AUTS2: variants seen among roughly 807,000 people sequenced by gnomAD.
The protein encoded by AUTS2 is activator of transcription and developmental regulator AUTS2.
In AUTS2, 17 loss-of-function variants were observed where a neutral mutation model predicts 112.4. The ratio of observed to expected loss-of-function variants is 0.15; its 90% CI spans 0.10 to 0.23. The LOEUF is 0.23. Ranked by LOEUF, AUTS2 falls within the 10% of genes least tolerant of loss-of-function variation. AUTS2 has a pLI of 1.00. For missense variants in AUTS2, 1,510 were observed against 1,701.6 expected, an observed-to-expected ratio of 0.89 and a Z score of 1.98; for synonymous variants, 751 against 702.7, an observed-to-expected ratio of 1.07 and a Z score of -1.09.
chr7:70,252,699 C>T (rs1029307177), intron 4 of AUTS2, among the ~76,000 whole-genome samples: 1 of 151,834 alleles, frequency 6.6e-6, no homozygotes, highest in Non-Finnish European at 1.5e-5. Context: ...TGTTTTTTTC[C>T]AGTAGTTTTA....
At chr7:70,240,870 G>A (rs547712365) in intron 4 of AUTS2, among the ~76,000 whole-genome samples, 122 of 152,246 alleles carry the variant, frequency 8.0e-4, no homozygotes, top group Non-Finnish European at 7.8e-4. Flanking sequence ...ACCACCACAA[G>A]TCAGAAATCA....
At chr7:70,504,626 G>T (rs1485618227) in intron 5 of AUTS2, among the ~76,000 whole-genome samples, 1 of 152,150 alleles carries the variant, frequency 6.6e-6, no homozygotes, top group African/African-American at 2.4e-5. Flanking sequence ...TACTTGATTG[G>T]TATCTTCTCC....
Position 70,560,279 on chromosome 7 carries a change from A to C in AUTS2, c.690+124498A>C, listed in dbSNP as rs531699230. Among the ~76,000 whole-genome samples, 3 of 152,328 alleles carry C rather than the reference A, an allele frequency of 2.0e-5. No homozygotes were observed. The South Asian group carries it at 6.2e-4, about 32-fold the overall frequency. ...TTGCTCTTCTTCACAGCACTGAGCC[A>C]ACATTTAGACAGACACACCCACACA... On this transcript the variant is annotated intron_variant, in intron 5 of 18. Transcript: ENST00000342771.
chr7:70,100,492 A>C (rs1211028498), intron 2 of AUTS2, among the ~76,000 whole-genome samples: 1 of 151,640 alleles, frequency 6.6e-6, no homozygotes, highest in Non-Finnish European at 1.5e-5. Flanking sequence ...AGTTTGTTAC[A>C]TAGGTATACC....
chr7:69,688,595 A>G (rs755789755), intron 1 of AUTS2, among the ~76,000 whole-genome samples: 3 of 152,198 alleles, frequency 2.0e-5, no homozygotes, highest in South Asian at 2.1e-4. Context: ...TTAGCATTCC[A>G]TCATCTCAAA....
At chr7:70,387,055 C>T (rs1793643440) in intron 4 of AUTS2, among the ~76,000 whole-genome samples, 1 of 152,168 alleles carries the variant, frequency 6.6e-6, no homozygotes, top group Non-Finnish European at 1.5e-5. Context: ...TTTCTTTCTT[C>T]AACCTACAGT....
chr7:70,224,755 G>A (rs994889289), intron 4 of AUTS2, among the ~76,000 whole-genome samples: 1 of 152,098 alleles, frequency 6.6e-6, no homozygotes. Context: ...CTATACAGGT[G>A]TACCATTTTT....
chr7:70,259,196 A>T (rs1294010829), intron 4 of AUTS2, among the ~76,000 whole-genome samples: 1 of 152,150 alleles, frequency 6.6e-6, no homozygotes, highest in East Asian at 1.9e-4. Flanking sequence ...TGCAGCTGTC[A>T]CAGAGCCTTC....
At chr7:69,713,247 T>G (rs1798418117) in intron 1 of AUTS2, among the ~76,000 whole-genome samples, 1 of 152,148 alleles carries the variant, frequency 6.6e-6, no homozygotes, top group African/African-American at 2.4e-5. Context: ...ACATTGAAAA[T>G]TCTCTGATTT....
chr7:70,350,075 G>C (rs1791679355), intron 4 of AUTS2, among the ~76,000 whole-genome samples: 1 of 152,132 alleles, frequency 6.6e-6, no homozygotes, highest in South Asian at 2.1e-4. Flanking sequence ...TTAAGCTCAT[G>C]GCCAGTACTA....
intron 5 of AUTS2, among the ~76,000 whole-genome samples, chr7:70,571,215 A>C (rs1183217991): frequency 6.6e-6 from 1 of 152,232 alleles, no homozygotes. Context: ...CTTGAGATTG[A>C]AGGCTCGCTA....
intron 1 of AUTS2, among the ~76,000 whole-genome samples, chr7:69,615,744 A>G (rs542332471): frequency 2.2e-4 from 33 of 152,248 alleles, no homozygotes; most frequent in Non-Finnish European, 4.7e-4. Context: ...CATTGTTGAA[A>G]TACAGCCCAT....
rs891739760 is a variant in AUTS2, at chr7:70,485,661, T to C, written c.690+49880T>C. On this transcript the variant is annotated intron_variant, in intron 5 of 18. Transcript: ENST00000342771. ...TTCTGAACCCTTCAAAAAAAAAGTA[T>C]CTCTGGTTTCACGAGACTCATATGT... is the stretch of plus-strand genomic sequence containing the variant. Among the ~76,000 whole-genome samples, 5 of 151,822 alleles carry C rather than the reference T, an allele frequency of 3.3e-5. No individual in the cohort carries two copies. The South Asian group carries it at 1.0e-3, about 31-fold the overall frequency.
intron 5 of AUTS2, among the ~76,000 whole-genome samples, chr7:70,481,916 C>G (rs972889928): frequency 3.2e-4 from 49 of 152,230 alleles, no homozygotes; most frequent in African/African-American, 1.2e-3. Context: ...ATACTGCACT[C>G]TAATTATATG....
At chr7:70,721,401 C>T (rs1449514644) in intron 6 of AUTS2, among the ~76,000 whole-genome samples, 3 of 151,904 alleles carry the variant, frequency 2.0e-5, no homozygotes, top group African/African-American at 4.8e-5. Flanking sequence ...TGGGTTCAAG[C>T]TGTTCTCCTG....
At chr7:70,554,683 G>A (rs1271570739) in intron 5 of AUTS2, among the ~76,000 whole-genome samples, 3 of 152,146 alleles carry the variant, frequency 2.0e-5, no homozygotes, top group African/African-American at 7.2e-5. Flanking sequence ...AGGTAGAAGG[G>A]GAAGATACTT....
intron 2 of AUTS2, among the ~76,000 whole-genome samples, chr7:70,008,792 C>A (rs939663605): frequency 6.6e-6 from 1 of 152,120 alleles, no homozygotes. Context: ...TTTCCACAAT[C>A]CTTTGAATTT....
At chr7:70,203,583 A>G (rs1810415662) in intron 4 of AUTS2, among the ~76,000 whole-genome samples, 1 of 147,758 alleles carries the variant, frequency 6.8e-6, no homozygotes, top group Non-Finnish European at 1.5e-5. Flanking sequence ...GAAGCAAAAG[A>G]CATTTCCAGA....
chr7:70,303,465 C>CAA (rs1437768604), intron 4 of AUTS2, among the ~76,000 whole-genome samples: 1 of 151,976 alleles, frequency 6.6e-6, no homozygotes, highest in Non-Finnish European at 1.5e-5. Flanking sequence ...CACACACACA[C>CAA]ACACACACAG....
Sources: gnomAD v4.1 joint callset for allele counts (sites outside exome capture counted in the v4.1 genomes callset) on GRCh38, gnomAD v4.1.1 for gene constraint, MANE v1.5 for transcripts, NCBI Gene and HGNC (gene_info 2026-07-23, HGNC 2026-07-21) for gene names.